UMAD1: variants seen among roughly 807,000 people sequenced by gnomAD.
UMAD1 encodes UBAP1-MVB12-associated (UMA) domain containing 1.
A neutral mutation model predicts 6.1 loss-of-function variants in UMAD1; 8 were observed. The ratio of observed to expected loss-of-function variants is 1.30; its 90% confidence interval spans 0.76 to 2.35. UMAD1 has a LOEUF of 2.35. UMAD1 is among the 30% of genes most tolerant of loss of function. The pLI is 0.00. For synonymous variants in UMAD1, 56 were observed against 31.4 expected, an observed-to-expected ratio of 1.78 and a Z score of -2.61; for missense variants, 130 against 78.4, an observed-to-expected ratio of 1.66 and a Z score of -2.49.
intron 2 of UMAD1, among the ~76,000 whole-genome samples, chr7:7,674,055 A>G (rs1180373382): frequency 6.6e-6 from 1 of 152,176 alleles, no homozygotes; most frequent in East Asian, 1.9e-4. Flanking sequence ...CCCTGAGGAA[A>G]AGTTTTGCAC....
chr7:7,663,712 C>T (rs991577079), intron 1 of UMAD1, among the ~76,000 whole-genome samples: 5 of 152,110 alleles, frequency 3.3e-5, no homozygotes, highest in Non-Finnish European at 5.9e-5. Flanking sequence ...CACTGATAGG[C>T]AAATAAGGAA....
chr7:7,703,502 T>A (rs893636737), intron 2 of UMAD1, among the ~76,000 whole-genome samples: 1 of 152,218 alleles, frequency 6.6e-6, no homozygotes, highest in Non-Finnish European at 1.5e-5. Flanking sequence ...TACACATAAT[T>A]TTATAAACAT....
chr7:7,819,409 T>A (rs1288386786), intron 3 of UMAD1, among the ~76,000 whole-genome samples: 2 of 152,258 alleles, frequency 1.3e-5, no homozygotes, highest in East Asian at 3.9e-4. Flanking sequence ...TAGAAGAATA[T>A]AAGATTCTTG....
At chr7:7,770,878 G>A (rs1782087202) in intron 2 of UMAD1, among the ~76,000 whole-genome samples, 1 of 152,070 alleles carries the variant, frequency 6.6e-6, no homozygotes, top group Non-Finnish European at 1.5e-5. Context: ...AAAGTATGGG[G>A]CATATGATGT....
intron 1 of UMAD1, among the ~76,000 whole-genome samples, chr7:7,642,625 G>C (rs1450628559): frequency 6.6e-6 from 1 of 152,110 alleles, no homozygotes; most frequent in Non-Finnish European, 1.5e-5. Context: ...GTATTTTTGA[G>C]TCACTTAAAA....
intron 3 of UMAD1, among the ~76,000 whole-genome samples, chr7:7,815,704 A>G (rs1472712622): frequency 1.3e-5 from 2 of 152,228 alleles, no homozygotes; most frequent in East Asian, 3.8e-4. Flanking sequence ...TAACAGTTTT[A>G]CTGGCCATAT....
chr7:7,855,189 G>T (rs111749676), intron 3 of UMAD1, among the ~76,000 whole-genome samples: 10,173 of 152,300 alleles, frequency 0.067, 447 homozygotes, highest in Admixed American at 0.15. Context: ...CAAGCTGTCA[G>T]TGAATCTACC....
chr7:7,699,057 G>C (rs890900198), intron 2 of UMAD1, among the ~76,000 whole-genome samples: 5 of 150,810 alleles, frequency 3.3e-5, no homozygotes, highest in Admixed American at 1.3e-4. Context: ...TGTGGGGGGG[G>C]GGTAGATACC....
intron 2 of UMAD1, among the ~76,000 whole-genome samples, chr7:7,773,551 TA>T (rs1782142413): frequency 6.6e-6 from 1 of 152,076 alleles, no homozygotes; most frequent in Non-Finnish European, 1.5e-5. Flanking sequence ...AGAGGGAGCT[TA>T]ATTTCTAAAA....
In UMAD1 at chr7:7,854,550, C is replaced by T. The variant is rs541666431; in HGVS notation, c.157-22731C>T. Among the ~76,000 whole-genome samples, 14 of 151,878 alleles carry T rather than the reference C, an allele frequency of 9.2e-5. No homozygotes were observed. In the East Asian group the frequency reaches 1.5e-3, roughly 17 times the overall value. On this transcript the variant is annotated intron_variant, in intron 3 of 3. Transcript: ENST00000682710. ...CAGATCTTGTGAGAACTCACTATCA[C>T]GTTAACAACATGGGGGAAACCACCC...
At chr7:7,716,112 C>T (rs1780895526) in intron 2 of UMAD1, among the ~76,000 whole-genome samples, 1 of 151,920 alleles carries the variant, frequency 6.6e-6, no homozygotes, top group Non-Finnish European at 1.5e-5. Context: ...CAAGCTGTGG[C>T]AGAAAAGGAT....
At chr7:7,808,527 GTTAGTT>G (rs1001039795) in intron 3 of UMAD1, among the ~76,000 whole-genome samples, 4 of 151,938 alleles carry the variant, frequency 2.6e-5, no homozygotes, top group African/African-American at 9.7e-5. Context: ...AATCGAGAAT[GTTAGTT>G]TTAGTTTTTA....
intron 2 of UMAD1, among the ~76,000 whole-genome samples, chr7:7,754,142 G>A (rs776249967): frequency 1.3e-4 from 20 of 151,902 alleles, no homozygotes; most frequent in Admixed American, 3.3e-4. Context: ...CCAAGATTGC[G>A]CCATTGCACT....
chr7:7,715,156 T>C (rs1162371460), intron 2 of UMAD1: 1 of 152,090 alleles, frequency 6.6e-6, no homozygotes, highest in African/African-American at 2.4e-5. Flanking sequence ...ATAGAAACAG[T>C]TAAAGAAAAT....
intron 1 of UMAD1, among the ~76,000 whole-genome samples, chr7:7,666,548 T>TA (rs1779462447): frequency 1.3e-5 from 2 of 152,246 alleles, no homozygotes; most frequent in Admixed American, 6.5e-5. Flanking sequence ...AATAGGTATA[T>TA]AATGGTATCT....
intron 2 of UMAD1, among the ~76,000 whole-genome samples, chr7:7,719,355 C>T (rs1382338175): frequency 6.6e-6 from 1 of 152,192 alleles, no homozygotes; most frequent in African/African-American, 2.4e-5. Flanking sequence ...ATTGCATCTG[C>T]ACTTGTATCG....
chr7:7,852,971 G>A (rs138378996), intron 3 of UMAD1, among the ~76,000 whole-genome samples: 1 of 152,162 alleles, frequency 6.6e-6, no homozygotes, highest in Non-Finnish European at 1.5e-5. Context: ...TGGAATGAGG[G>A]TCGTATAGCC....
intron 2 of UMAD1, among the ~76,000 whole-genome samples, chr7:7,690,391 A>G (rs1486015908): frequency 6.6e-6 from 1 of 152,152 alleles, no homozygotes; most frequent in Non-Finnish European, 1.5e-5. Flanking sequence ...AAAACCAAGT[A>G]TATATTATGT....
chr7:7,859,973 T>C (rs1443861157), intron 3 of UMAD1, among the ~76,000 whole-genome samples: 1 of 152,204 alleles, frequency 6.6e-6, no homozygotes, highest in Non-Finnish European at 1.5e-5. Context: ...TAAATTTTCC[T>C]CTTATGATTT....
Sources: allele counts gnomAD v4.1 joint callset (sites outside exome capture counted in the v4.1 genomes callset), GRCh38; gene constraint gnomAD v4.1.1; transcripts MANE v1.5; gene names NCBI Gene and HGNC (gene_info 2026-07-23, HGNC 2026-07-21).